Variants in ZNF69 observed in about 807,000 individuals in gnomAD.
ZNF69 encodes zinc finger protein 69.
ZNF69 carries 47 observed loss-of-function variants against 50.9 expected under a neutral mutation model. The ratio of observed to expected loss-of-function variants is 0.92; its 90% CI spans 0.73 to 1.18. The LOEUF (loss-of-function observed/expected upper bound fraction) is 1.18, where lower values mean the gene tolerates loss of function less well. Ranked by LOEUF, ZNF69 falls within the 50% of genes most tolerant of loss-of-function variation. The probability of loss-of-function intolerance (pLI) is 0.00; values close to 1 mark genes in which losing one functional copy is unlikely to be tolerated. For missense variants in ZNF69, 717 were observed against 675.1 expected, an observed-to-expected ratio of 1.06 and a Z score of -0.69; for synonymous variants, 216 against 223.1, an observed-to-expected ratio of 0.97 and a Z score of 0.29.
chr19:11,903,616 A>T lies in ZNF69; in HGVS notation c.107A>T (p.Glu36Val), dbSNP rs1276081111. The T allele has an allele frequency of 5.0e-6, 8 of 1,613,998 alleles. No individual in the cohort carries two copies. The highest frequency in any genetic ancestry group is 1.6e-4 in the Middle Eastern group (1 of 6,082). Residue 36 changes from glutamate (E) to valine (V), a missense_variant, in exon 2 of 4, where the codon GAG (glutamate) becomes GTG (valine). Coordinates refer to ENST00000429654, the MANE Select transcript of ZNF69 (RefSeq NM_001364730.1). The part of the protein sequence containing the change: ...FDDVAVNFTQ[E>V]EWALLDISQR... ...GATGTTGCTGTGAACTTCACCCAGG[A>T]GGAGTGGGCTTTGCTGGATATTTCC... is the stretch of plus-strand genomic sequence containing the variant.
chr19:11,923,183 C>T, the ZNF69 span, among the ~76,000 whole-genome samples: 1 of 152,180 alleles, frequency 6.6e-6, no homozygotes, highest in Admixed American at 6.5e-5. Context: ...TCCCTGACAG[C>T]GAGAGTCTCA....
chr19:11,948,596 A>G, the ZNF69 span: 1 of 1,608,180 alleles, frequency 6.2e-7, no homozygotes, highest in South Asian at 1.1e-5. Context: ...CACACTGGAG[A>G]GAAACCCTAT....
At chr19:11,971,470 A>G in the ZNF69 span, among the ~76,000 whole-genome samples, 4 of 152,134 alleles carry the variant, frequency 2.6e-5, no homozygotes, top group Non-Finnish European at 5.9e-5. Flanking sequence ...CTCCAACCAT[A>G]TTCTATAGAG....
At chr19:11,962,841 T>C in the ZNF69 span, among the ~76,000 whole-genome samples, 1 of 152,056 alleles carries the variant, frequency 6.6e-6, no homozygotes, top group African/African-American at 2.4e-5. Context: ...GCTGCAAGCT[T>C]GGTTTAAGTT....
intron 1 of ZNF69, among the ~76,000 whole-genome samples, chr19:11,892,746 A>G (rs1418057127): frequency 1.3e-5 from 2 of 152,224 alleles, no homozygotes; most frequent in Non-Finnish European, 2.9e-5. Context: ...CCAGCTGGCT[A>G]TGTGAAAGCT....
the ZNF69 span, chr19:11,949,937 A>T: frequency 7.4e-6 from 12 of 1,614,030 alleles, no homozygotes; most frequent in Admixed American, 1.8e-4. Flanking sequence ...CTTCAGATGC[A>T]TGAAAGGACT....
At chr19:11,915,570 A>T (rs747610377), downstream of ZNF69, among the ~76,000 whole-genome samples, 1 of 152,178 alleles carries the variant, frequency 6.6e-6, no homozygotes, top group Non-Finnish European at 1.5e-5. Context: ...AGTCAGTGAC[A>T]TTGGTGCCTG....
chr19:11,931,392 G>T, the ZNF69 span, among the ~76,000 whole-genome samples: 333 of 147,906 alleles, frequency 2.3e-3, 51 homozygotes, highest in African/African-American at 8.2e-3. Flanking sequence ...CATTCAGAAA[G>T]GATTTACTCC....
intron 2 of ZNF69, 27 bp downstream of exon 2, chr19:11,903,726 G>C: frequency 1.2e-6 from 2 of 1,612,116 alleles, no homozygotes; most frequent in Non-Finnish European, 1.7e-6. Context: ...CCTTCCCTCA[G>C]TCCATTAGTG....
At chr19:11,916,225 T>C (rs1972520527), downstream of ZNF69, among the ~76,000 whole-genome samples, 1 of 152,148 alleles carries the variant, frequency 6.6e-6, no homozygotes, top group Non-Finnish European at 1.5e-5. Context: ...GTACTGAACT[T>C]GTAAGTAAAA....
intron 1 of ZNF69, among the ~76,000 whole-genome samples, chr19:11,901,554 G>A (rs777417853): frequency 1.4e-4 from 21 of 152,032 alleles, no homozygotes; most frequent in Non-Finnish European, 2.1e-4. Flanking sequence ...GCGTGATCTC[G>A]GCTCACTGCA....
the ZNF69 span, chr19:11,949,683 T>C: frequency 8.7e-6 from 14 of 1,607,710 alleles, no homozygotes; most frequent in Non-Finnish European, 1.1e-5. Flanking sequence ...CCCTTCGATA[T>C]CATGAAAGGA....
At position 11,905,701 on chromosome 19, in the gene ZNF69, G is replaced by A; in HGVS notation, c.1304G>A (p.Gly435Asp). Residue 435 changes from glycine (G) to aspartate (D), a missense_variant, in exon 4 of 4, where the codon GGT becomes GAT. Transcript: ENST00000429654. ...TCTTCCTCACACCTTCAATTGCATG[G>A]TAGGACTCACACTGGAGAGAAGCCC... Reference protein sequence around the residue: ...FRSSSHLQLHGRTHTGEKPYE... With the variant: ...FRSSSHLQLHDRTHTGEKPYE... The A allele has an allele frequency of 1.9e-6, 3 of 1,612,952 alleles. No individual in the cohort carries two copies. Among genetic ancestry groups the A allele is most frequent in the South Asian group, 2.2e-5 (2 of 91,030 alleles).
At chr19:11,946,972 G>A in the ZNF69 span, 1 of 979,272 alleles carries the variant, frequency 1.0e-6, no homozygotes, top group Admixed American at 3.8e-5. Flanking sequence ...TGGGCAACAA[G>A]AGTGAAACTC....
chr19:11,898,106 T>C (rs1364171752), intron 1 of ZNF69, among the ~76,000 whole-genome samples: 1 of 152,148 alleles, frequency 6.6e-6, no homozygotes, highest in African/African-American at 2.4e-5. Context: ...GGGAATAAGA[T>C]AACTGCCTTA....
chr19:11,978,216 A>T, the ZNF69 span: 1 of 1,613,776 alleles, frequency 6.2e-7, no homozygotes, highest in Non-Finnish European at 8.5e-7. Flanking sequence ...CCAGGAGAAG[A>T]AAGCTTCTCC....
chr19:11,964,514 G>GA, the ZNF69 span, among the ~76,000 whole-genome samples: 1 of 152,328 alleles, frequency 6.6e-6, no homozygotes, highest in East Asian at 1.9e-4. Flanking sequence ...TCCTGCTGGT[G>GA]AAAATGAAGA....
chr19:11,905,539 C>T lies in ZNF69; in HGVS notation c.1142C>T (p.Thr381Ile), dbSNP rs764443691. 2.2e-5 allele frequency: 35 copies of T among 1,613,532 alleles called. No individual in the cohort carries two copies. Among genetic ancestry groups the T allele is most frequent in the Non-Finnish European group, 2.0e-5 (24 of 1,179,922 alleles). ...SANSFQRHEK[T>I]HSGEKPYKCK... Reference sequence around the variant, plus strand: ...AATTCATTTCAAAGACATGAAAAAACTCACAGTGGAGAGAAACCCTATAAA... The same window carrying T: ...AATTCATTTCAAAGACATGAAAAAATTCACAGTGGAGAGAAACCCTATAAA... The change falls in exon 4 of 4, where the codon ACT becomes ATT. Residue 381 changes from threonine to isoleucine, a missense_variant. Thr to Ile is a moderately conservative substitution (Grantham distance 89). Transcript: ENST00000429654.
At chr19:11,940,843 A>T in the ZNF69 span, among the ~76,000 whole-genome samples, 1 of 151,768 alleles carries the variant, frequency 6.6e-6, no homozygotes, top group Admixed American at 6.6e-5. Context: ...CCCCCAGATT[A>T]GCTAGATACA....
Sources: gnomAD v4.1 joint callset for allele counts (sites outside exome capture counted in the v4.1 genomes callset) on GRCh38, gnomAD v4.1.1 for gene constraint, MANE v1.5 for transcripts, NCBI Gene and HGNC (gene_info 2026-07-23, HGNC 2026-07-21) for gene names.